SORBS3: variants seen among roughly 807,000 people sequenced by gnomAD.
SORBS3 encodes vinexin.
In SORBS3, 69 loss-of-function variants were observed where a neutral mutation model predicts 98.0. The observed-to-expected ratio is 0.70, with a 90% CI of 0.58 to 0.86. The LOEUF is 0.86. Ranked by LOEUF, SORBS3 falls within the 40% of genes least tolerant of loss-of-function variation. The pLI is 0.00. For synonymous variants in SORBS3, 394 were observed against 355.4 expected (o/e 1.11, Z -1.22); for missense variants, 954 against 908.5 (o/e 1.05, Z -0.64).
At chr8:22,570,817 A>C in intron 17 of SORBS3, 93 bp from the exon 18 acceptor site, 1 of 1,142,244 alleles carries the variant, frequency 8.8e-7, no homozygotes, top group Non-Finnish European at 1.2e-6. Flanking sequence ...CGTGTGTCCA[A>C]GGTGTTAGGG....
At position 22,567,127 on chromosome 8, in the gene SORBS3, G is replaced by A; in HGVS notation, c.1257G>A (p.Glu419=). ...IHKEVDKNWL[E]GEHHGRLGIF... is the part of the protein sequence containing the mutation. ...AGGAGGTGGACAAGAACTGGCTGGA[G>A]GGAGAGCACCACGGCCGCCTGGGCA... The change falls in exon 16 of 21, where the codon GAG becomes GAA. Residue 419 remains glutamate (E), a synonymous_variant. Coordinates refer to ENST00000240123, the MANE Select transcript of SORBS3 (RefSeq NM_005775.5). 1 of 1,613,610 alleles carries A rather than the reference G, an allele frequency of 6.2e-7. No individual in the cohort carries two copies. Among genetic ancestry groups the A allele is most frequent in the Non-Finnish European group, 8.5e-7 (1 of 1,179,878 alleles).
At chr8:22,545,358 T>G (rs569576248) in intron 1 of SORBS3, 1 of 152,404 alleles carries the variant, frequency 6.6e-6, no homozygotes, top group Non-Finnish European at 1.5e-5. Flanking sequence ...GTATTAACAA[T>G]AGGGCTTTGT....
intron 18 of SORBS3, 31 bp from the exon 19 acceptor site, chr8:22,571,687 C>T (rs1229848811): frequency 3.3e-6 from 5 of 1,534,796 alleles, no homozygotes; most frequent in Non-Finnish European, 3.6e-6. Flanking sequence ...CTTCCTCCCT[C>T]TGACATCCCT....
chr8:22,555,093 A>G, intron 3 of SORBS3, 113 bp downstream of exon 3: 1 of 887,502 alleles, frequency 1.1e-6, no homozygotes, highest in Non-Finnish European at 1.8e-6. Context: ...TCTCAAGGCC[A>G]TGAGGAGGTT....
rs1260942058 is a variant in SORBS3, at chr8:22,575,142, G to A, written c.*414G>A. ...CTTCCTAGCCTCGTAGAGACCAAAG[G>A]CCGCCCCCGCCTGCTGGGGTTCCTC... is the stretch of plus-strand genomic sequence containing the variant. On this transcript the variant is annotated 3_prime_UTR_variant, in exon 21 of 21. Transcript: ENST00000240123. 1 of 328,158 alleles carries A rather than the reference G, an allele frequency of 3.0e-6. No individual in the cohort carries two copies. Among genetic ancestry groups the A allele is most frequent in the Non-Finnish European group, 6.0e-6 (1 of 165,656 alleles). 20.3% of individuals were successfully genotyped at this position (328,158 alleles called of 1,614,324 possible).
chr8:22,564,150 C>T, intron 8 of SORBS3, 73 bp downstream of exon 8: 6 of 1,529,896 alleles, frequency 3.9e-6, no homozygotes, highest in Non-Finnish European at 5.4e-6. Flanking sequence ...GCCACGATGT[C>T]CTTTCAGCTT....
chr8:22,555,816 A>C (rs1840172036), intron 3 of SORBS3, among the ~76,000 whole-genome samples: 1 of 150,114 alleles, frequency 6.7e-6, no homozygotes, highest in Non-Finnish European at 1.5e-5. Context: ...GTGCCACTGC[A>C]CTCCAGCCTG....
At chr8:22,558,948 A>G (rs1247720332) in intron 5 of SORBS3, among the ~76,000 whole-genome samples, 8 of 152,210 alleles carry the variant, frequency 5.3e-5, no homozygotes, top group Admixed American at 2.0e-4. Context: ...CCTGGCCTGG[A>G]GCGAGGAGCA....
chr8:22,558,017 T>TG (rs796344865), intron 4 of SORBS3, 112 bp from the exon 5 acceptor site: 5 of 947,654 alleles, frequency 5.3e-6, no homozygotes, highest in East Asian at 2.4e-5. Context: ...AGCCCACCTA[T>TG]GGGGGGTTCA....
chr8:22,562,050 G>C, intron 7 of SORBS3, 119 bp downstream of exon 7: 1 of 882,152 alleles, frequency 1.1e-6, no homozygotes, highest in East Asian at 2.5e-5. Context: ...CAGGAGTGGG[G>C]TCTCACTTCC....
chr8:22,547,851 G>GCA (rs780049291), upstream of SORBS3, among the ~76,000 whole-genome samples: 122 of 152,326 alleles, frequency 8.0e-4, no homozygotes, highest in Admixed American at 1.4e-3. Flanking sequence ...GAACAGCCGT[G>GCA]GATGTGATGT....
rs376902116 is a variant in SORBS3 at position 22,558,131 on chromosome 8, C to A, written c.417C>A (p.Ser139Arg). ...GACTTTGCATTTTCTGATCCCAGAG[C>A]GTTGACAGACCCAGAGACTGGTACC... Reference protein sequence around the residue: ...ESGMPIAPRSSVDRPRDWYRR... With the variant: ...ESGMPIAPRSRVDRPRDWYRR... The change falls in exon 5 of 21, where the codon AGC becomes AGA. Residue 139 changes from serine (S) to arginine (R), a missense_variant and splice_region_variant. By Grantham distance (110) the Ser-to-Arg change is moderately radical. Transcript: ENST00000240123. 4.5e-5 allele frequency: 73 copies of A among 1,613,908 alleles called. No individual in the cohort carries two copies. Among genetic ancestry groups the A allele is most frequent in the Non-Finnish European group, 5.6e-5 (66 of 1,179,964 alleles).
chr8:22,566,426 T>A lies in SORBS3; in HGVS notation c.1032T>A (p.Ala344=), dbSNP rs757350257. 1.3e-5 allele frequency: 21 copies of A among 1,613,886 alleles called. No individual in the cohort carries two copies. The highest frequency in any genetic ancestry group is 1.7e-5 in the Non-Finnish European group (20 of 1,179,964). Residue 344 remains alanine (A), a synonymous_variant, in exon 13 of 21, where the codon GCT becomes GCA. Transcript: ENST00000240123. ...SARSLSPHKM[A]DGGSPFLGRR... is the part of the protein sequence containing the mutation. Reference sequence around the variant, plus strand: ...GGTCCCTGAGTCCCCACAAAATGGCTGATGGAGGAAGCCCCTTCCTAGGTC... The same window carrying A: ...GGTCCCTGAGTCCCCACAAAATGGCAGATGGAGGAAGCCCCTTCCTAGGTC...
chr8:22,551,865 GC>G, upstream of SORBS3: 1 of 985,032 alleles, frequency 1.0e-6, no homozygotes, highest in Non-Finnish European at 1.2e-6. This position sits in a 1 kb window ranked among gnomAD's most constrained non-coding sequence, Gnocchi z 5.8. Context: ...CCGGCGCCCG[GC>G]CCGGCCCGGC....
At chr8:22,557,735 C>G (rs1047133142) in intron 4 of SORBS3, among the ~76,000 whole-genome samples, 1 of 152,142 alleles carries the variant, frequency 6.6e-6, no homozygotes, top group Non-Finnish European at 1.5e-5. Context: ...ATTGCTTGAG[C>G]CCAGGAATTG....
chr8:22,564,252 C>T, intron 8 of SORBS3, 31 bp from the exon 9 acceptor site: 1 of 1,560,546 alleles, frequency 6.4e-7, no homozygotes, highest in Non-Finnish European at 8.7e-7. Flanking sequence ...TAGCCCTCTT[C>T]ACAAGCTGAC....
chr8:22,560,866 T>TGC (rs1840278645), intron 5 of SORBS3: 3 of 113,096 alleles, frequency 2.7e-5, no homozygotes, highest in African/African-American at 1.1e-4. Context: ...TGTGTGTGTG[T>TGC]GTGTGTGCGC....
intron 10 of SORBS3, chr8:22,564,874 G>C: frequency 7.8e-7 from 1 of 1,277,888 alleles, no homozygotes; most frequent in Non-Finnish European, 9.9e-7. Flanking sequence ...CAGCGTGGGG[G>C]TGGGGGCTCC....
intron 16 of SORBS3, among the ~76,000 whole-genome samples, chr8:22,568,030 A>G (rs1296895846): frequency 6.6e-6 from 1 of 152,024 alleles, no homozygotes; most frequent in Non-Finnish European, 1.5e-5. Flanking sequence ...GTAATTTTTT[A>G]GTAGAGATGA....
Sources: gnomAD v4.1 joint callset for allele counts (sites outside exome capture counted in the v4.1 genomes callset) on GRCh38, gnomAD v4.1.1 for gene constraint, Gnocchi (gnomAD v3.1) non-coding constraint, MANE v1.5 for transcripts, NCBI Gene and HGNC (gene_info 2026-07-23, HGNC 2026-07-21) for gene names.